The following TMEM117 variants were observed in gnomAD, a reference collection of about 807,000 sequenced individuals.
TMEM117 encodes the protein transmembrane protein 117.
TMEM117 carries 27 observed loss-of-function variants against 52.4 expected under a neutral mutation model. That is an observed-to-expected ratio of 0.51 (90% CI 0.38 to 0.71). The LOEUF (loss-of-function observed/expected upper bound fraction) is 0.71, where lower values mean the gene tolerates loss of function less well. Among genes scored for constraint, TMEM117 ranks in the 30% least tolerant of loss-of-function variants. The pLI is 0.00. For synonymous variants in TMEM117, 215 were observed against 206.3 expected, an observed-to-expected ratio of 1.04 and a Z score of -0.36; for missense variants, 556 against 630.5, an observed-to-expected ratio of 0.88 and a Z score of 1.26.
rs114060979 is a variant in TMEM117 at position 44,159,428 on chromosome 12, T to A, written c.510+15804T>A. Among the ~76,000 whole-genome samples, 1,301 of 152,212 alleles carry A rather than the reference T, an allele frequency of 8.5e-3. 13 individuals carry two copies. Among genetic ancestry groups the A allele is most frequent in the African/African-American group, 0.03 (1,238 of 41,522 alleles). On this transcript the variant is annotated intron_variant, in intron 4 of 7. Coordinates refer to ENST00000266534, the MANE Select transcript of TMEM117 (RefSeq NM_032256.3). Reference sequence around the variant, plus strand: ...TTTTTTAACCAAAAACTGCAGATGGTTTAGTTTTCTAAAACAAATGCAGAG... The same window carrying A: ...TTTTTTAACCAAAAACTGCAGATGGATTAGTTTTCTAAAACAAATGCAGAG...
At chr12:43,846,864 C>T (rs977672934) in intron 2 of TMEM117, among the ~76,000 whole-genome samples, 16 of 152,102 alleles carry the variant, frequency 1.1e-4, no homozygotes, top group Non-Finnish European at 2.2e-4. Flanking sequence ...CACACACATA[C>T]ACGTAGTATT....
At chr12:44,127,450 G>A (rs534662980) in intron 3 of TMEM117, among the ~76,000 whole-genome samples, 2 of 152,170 alleles carry the variant, frequency 1.3e-5, no homozygotes, top group Admixed American at 1.3e-4. Context: ...GCCGAGGGGA[G>A]CAAATCACCT....
At chr12:43,801,207 G>A in the TMEM117 span, among the ~76,000 whole-genome samples, 1 of 152,160 alleles carries the variant, frequency 6.6e-6, no homozygotes, top group African/African-American at 2.4e-5. Flanking sequence ...TACGAATTAA[G>A]TTGTTAAGAA....
At chr12:44,188,111 C>CT (rs1949302247) in intron 4 of TMEM117, among the ~76,000 whole-genome samples, 1 of 152,102 alleles carries the variant, frequency 6.6e-6, no homozygotes, top group Non-Finnish European at 1.5e-5. Flanking sequence ...AAACACAAGA[C>CT]TTAAAGATCA....
chr12:43,853,376 A>G (rs770120971), intron 2 of TMEM117, among the ~76,000 whole-genome samples: 19 of 152,114 alleles, frequency 1.2e-4, no homozygotes, highest in Non-Finnish European at 2.4e-4. Flanking sequence ...CCCAGGTTCA[A>G]GCTCTTCTCC....
intron 3 of TMEM117, among the ~76,000 whole-genome samples, chr12:44,047,930 G>C (rs1471174499): frequency 6.6e-6 from 1 of 152,086 alleles, no homozygotes; most frequent in Non-Finnish European, 1.5e-5. Context: ...TCTGTTCACT[G>C]GAAGAGTGTA....
chr12:43,887,396 A>T (rs186902960), intron 2 of TMEM117, among the ~76,000 whole-genome samples: 3 of 152,364 alleles, frequency 2.0e-5, no homozygotes, highest in Non-Finnish European at 4.4e-5. Context: ...AAAACTGAGT[A>T]AAACAAATTA....
At chr12:44,166,858 T>C (rs1948974459) in intron 4 of TMEM117, among the ~76,000 whole-genome samples, 1 of 152,226 alleles carries the variant, frequency 6.6e-6, no homozygotes, top group Non-Finnish European at 1.5e-5. Flanking sequence ...CAAGGCTTGT[T>C]ATCAAATATG....
intron 3 of TMEM117, among the ~76,000 whole-genome samples, chr12:44,095,311 C>A (rs1239725659): frequency 1.3e-5 from 2 of 151,972 alleles, no homozygotes; most frequent in East Asian, 3.9e-4. Context: ...TATGTGGAAT[C>A]CTCAAAACAG....
intron 5 of TMEM117, among the ~76,000 whole-genome samples, chr12:44,278,718 A>G (rs1020139604): frequency 6.6e-6 from 1 of 152,238 alleles, no homozygotes; most frequent in Non-Finnish European, 1.5e-5. Context: ...TTTTAAGTCC[A>G]TCAGAAATAT....
At chr12:44,285,499 G>A (rs964235545) in intron 5 of TMEM117, among the ~76,000 whole-genome samples, 15 of 152,158 alleles carry the variant, frequency 9.9e-5, no homozygotes, top group Admixed American at 3.3e-4. Context: ...ATATGGAGAA[G>A]CTGTACTCTT....
intron 4 of TMEM117, among the ~76,000 whole-genome samples, chr12:44,181,780 G>A (rs951296362): frequency 6.6e-6 from 1 of 150,774 alleles, no homozygotes; most frequent in Admixed American, 6.6e-5. Context: ...TTTGAAGTCA[G>A]GTAGTGTGAT....
chr12:43,930,095 T>A (rs1485387664), intron 2 of TMEM117, among the ~76,000 whole-genome samples: 2 of 152,190 alleles, frequency 1.3e-5, no homozygotes. Flanking sequence ...CTGTTTCTGA[T>A]TTGTCCTTAC....
rs1358653475 is a variant in TMEM117, at chr12:44,218,243, AC to A, written c.608+6857del. ...CGTCAAAAAAAACAAAAAACAAAAA[AC>A]TAGCAAACCAACTTCAACAGCACAT... On this transcript the variant is annotated intron_variant, in intron 5 of 7. Transcript: ENST00000266534. Among the ~76,000 whole-genome samples the A allele has an allele frequency of 1.8e-4, 27 of 152,022 alleles. 1 individual carries two copies. Among genetic ancestry groups the A allele is most frequent in the Admixed American group, 1.4e-3 (21 of 15,238 alleles).
At chr12:43,806,267 G>C in the TMEM117 span, 10 of 1,519,038 alleles carry the variant, frequency 6.6e-6, no homozygotes, top group Admixed American at 2.0e-5. Flanking sequence ...CTAGCTCCCG[G>C]CTCCGGCGCT....
At chr12:43,802,290 G>C in the TMEM117 span, 2 of 1,512,168 alleles carry the variant, frequency 1.3e-6, no homozygotes, top group Non-Finnish European at 1.8e-6. Flanking sequence ...ACTTACATGA[G>C]AATGATCTGG....
At chr12:44,238,627 A>G (rs1950026747) in intron 5 of TMEM117, among the ~76,000 whole-genome samples, 1 of 152,122 alleles carries the variant, frequency 6.6e-6, no homozygotes, top group Non-Finnish European at 1.5e-5. Context: ...CCTAGGGAAC[A>G]TAACAAGACC....
At chr12:44,265,889 G>A (rs948637220) in intron 5 of TMEM117, among the ~76,000 whole-genome samples, 2 of 152,102 alleles carry the variant, frequency 1.3e-5, no homozygotes, top group African/African-American at 4.8e-5. Context: ...TTAGCATAAT[G>A]CTTTCAAGGT....
In TMEM117 at chr12:43,912,507, T is replaced by TTATATATATATATATATATATATATA. The variant is rs56170922; in HGVS notation, c.278-31699_278-31674dup. Among the ~76,000 whole-genome samples, 74 of 132,016 alleles carry TTATATATATATATATATATATATATA rather than the reference T, an allele frequency of 5.6e-4. 3 individuals carry two copies. Among genetic ancestry groups the TTATATATATATATATATATATATATA allele is most frequent in the African/African-American group, 2.4e-3 (60 of 24,986 alleles). 86.6% of individuals were successfully genotyped at this position (132,016 alleles called of 152,430 possible). A position where few individuals can be genotyped will look rare whatever the true frequency, so the allele number is the denominator to read the frequency against. On this transcript the variant is annotated intron_variant, in intron 2 of 7. Transcript: ENST00000266534. ...AAACTTAAAGTATAATAATAATAATTTATATATATATATATATATATATAT... is the reference window on the plus strand; with the variant it reads ...AAACTTAAAGTATAATAATAATAATTTATATATATATATATATATATATATATATATATATATATATATATATATAT...
Sources: allele counts gnomAD v4.1 joint callset (sites outside exome capture counted in the v4.1 genomes callset), GRCh38; gene constraint gnomAD v4.1.1; transcripts MANE v1.5; gene names NCBI Gene and HGNC (gene_info 2026-07-23, HGNC 2026-07-21).